NLRX1: variants seen among roughly 807,000 people sequenced by gnomAD.
The protein encoded by NLRX1 is NOD-like receptor X1.
A neutral mutation model predicts 74.2 loss-of-function variants in NLRX1; 67 were observed. The observed-to-expected ratio is 0.90, with a 90% confidence interval of 0.74 to 1.11. The LOEUF (loss-of-function observed/expected upper bound fraction) is 1.11, where lower values mean the gene tolerates loss of function less well. NLRX1 is among the 50% of genes least tolerant of loss of function. The pLI is 0.00. For synonymous variants in NLRX1, 506 were observed against 559.1 expected (o/e 0.91, Z 1.34); for missense variants, 1,191 against 1,305.4 (o/e 0.91, Z 1.35).
At position 119,182,271 on chromosome 11, in the gene NLRX1, C is replaced by A. The variant is rs549847025; in HGVS notation, c.2532C>A (p.Tyr844Ter). Residue 844 changes from tyrosine to a stop codon, truncating the protein, a stop_gained, in exon 9 of 10, where the codon TAC becomes TAA. Transcript: ENST00000409109. LOFTEE classifies it high-confidence loss of function. ...AGCTGCAGGAGCTGAACGTGGCGTA[C>A]AACGGTGCTGGTGACACAGCGGCCC... Reference protein sequence around the residue: ...NRQLQELNVAYNGAGDTAALA... With the variant: ...NRQLQELNVA 9.3e-6 allele frequency: 15 copies of A among 1,613,750 alleles called. No homozygotes were observed. In the East Asian group the frequency reaches 3.3e-4, roughly 36 times the overall value.
At chr11:119,171,142 GA>G (rs954198066) in intron 1 of NLRX1, among the ~76,000 whole-genome samples, 5 of 151,616 alleles carry the variant, frequency 3.3e-5, no homozygotes, top group African/African-American at 9.7e-5. Context: ...AAAGAAAAAA[GA>G]AAAAAAAGGT....
intron 6 of NLRX1, among the ~76,000 whole-genome samples, chr11:119,177,077 GT>G (rs1205757788): frequency 6.6e-6 from 1 of 151,836 alleles, no homozygotes; most frequent in African/African-American, 2.4e-5. Flanking sequence ...CTATTTAATT[GT>G]TTTTTGTTTG....
At chr11:119,178,221 G>A (rs1358665060) in intron 6 of NLRX1, among the ~76,000 whole-genome samples, 1 of 152,126 alleles carries the variant, frequency 6.6e-6, no homozygotes, top group Non-Finnish European at 1.5e-5. Context: ...GATGTTAAAG[G>A]ACGTGCCACA....
At position 119,180,254 on chromosome 11, in the gene NLRX1, C is replaced by G. The variant is rs1168470645; in HGVS notation, c.2233C>G (p.Leu745Val). 6.3e-7 allele frequency: 1 copy of G among 1,593,950 alleles called. No homozygotes were observed. The highest frequency in any genetic ancestry group is 8.6e-7 in the Non-Finnish European group (1 of 1,165,330). The change falls in exon 7 of 10, where the codon CTC becomes GTC. Residue 745 changes from leucine to valine, a missense_variant. Coordinates refer to ENST00000409109, the MANE Select transcript of NLRX1 (RefSeq NM_001282144.2). Reference protein sequence around the residue: ...CQLDPAGLRTLLPVFLRARKL... With the variant: ...CQLDPAGLRTVLPVFLRARKL... Reference sequence around the variant, plus strand: ...GCTAGATCCTGCTGGGCTGCGCACACTCCTGCCTGTCTTCCTGCGTGCCCG... The same window carrying G: ...GCTAGATCCTGCTGGGCTGCGCACAGTCCTGCCTGTCTTCCTGCGTGCCCG...
chr11:119,173,002 G>A lies in NLRX1; in HGVS notation c.229+13G>A, dbSNP rs749544036. On this transcript the variant is annotated intron_variant, in intron 4 of 9. Transcript: ENST00000409109. The surrounding 1 kb of genome is among the most constrained non-coding windows in gnomAD (Gnocchi z 4.0). The stretch of plus-strand genomic sequence containing the variant: ...GCCTCTGCAACTGGTAAAGGGACTG[G>A]CTGGGACCCTGGTCAGGGGGTGTGG... 10 of 1,605,726 alleles carry A rather than the reference G, an allele frequency of 6.2e-6. No homozygotes were observed. The highest frequency in any genetic ancestry group is 7.7e-6 in the Non-Finnish European group (9 of 1,175,594).
chr11:119,178,141 C>G (rs935464413), intron 6 of NLRX1, among the ~76,000 whole-genome samples: 1 of 152,128 alleles, frequency 6.6e-6, no homozygotes, highest in Non-Finnish European at 1.5e-5. Flanking sequence ...GCACTCCAGC[C>G]TAGGTGACAC....
rs199476037 is a variant in NLRX1 at position 119,173,359 on chromosome 11, T to C, written c.230-120T>C. On this transcript the variant is annotated intron_variant, in intron 4 of 9. Transcript: ENST00000409109. The surrounding 1 kb of genome is among the most constrained non-coding windows in gnomAD (Gnocchi z 4.0). The stretch of plus-strand genomic sequence containing the variant: ...CTCAGGGAGTCTTGTGTGCCCACCA[T>C]TGTGGGCCCCAGCATCTATGCCGTG... 2.6e-4 allele frequency: 279 copies of C among 1,086,748 alleles called. 1 individual carries two copies. The African/African-American group carries it at 3.6e-3, about 14-fold the overall frequency. The allele number at this position is 1,086,748 out of a possible 1,614,324, so 67.3% of individuals were successfully genotyped here.
chr11:119,174,303 C>G (rs1948635407), intron 5 of NLRX1, 150 bp from the exon 6 acceptor site: 2 of 1,010,740 alleles, frequency 2.0e-6, no homozygotes, highest in Non-Finnish European at 2.9e-6. Context: ...CGGCCTGGAT[C>G]ACAGCAGGTG....
intron 6 of NLRX1, among the ~76,000 whole-genome samples, chr11:119,175,676 G>A (rs1948686847): frequency 6.6e-6 from 1 of 152,222 alleles, no homozygotes; most frequent in Non-Finnish European, 1.5e-5. Context: ...GGCTCTGAGA[G>A]TGATGACTCA....
intron 8 of NLRX1, 137 bp downstream of exon 8, chr11:119,181,394 C>T: frequency 1.5e-6 from 1 of 661,272 alleles, no homozygotes; most frequent in South Asian, 1.7e-5. Flanking sequence ...CTGTCCCCTC[C>T]ACTTCCCCCA....
At chr11:119,170,770 A>G (rs1027519038) in intron 1 of NLRX1, among the ~76,000 whole-genome samples, 2 of 152,176 alleles carry the variant, frequency 1.3e-5, no homozygotes, top group Non-Finnish European at 2.9e-5. Flanking sequence ...GCCAAGAAGG[A>G]AAAAGGACAC....
intron 6 of NLRX1, among the ~76,000 whole-genome samples, chr11:119,177,422 G>T (rs1166708719): frequency 6.6e-6 from 1 of 151,492 alleles, no homozygotes; most frequent in African/African-American, 2.4e-5. Flanking sequence ...AACAGACTTA[G>T]TTCCAGACCA....
chr11:119,175,576 C>CT (rs887117321), intron 6 of NLRX1, among the ~76,000 whole-genome samples: 1 of 152,138 alleles, frequency 6.6e-6, no homozygotes, highest in Non-Finnish European at 1.5e-5. Context: ...AAATGGTTTC[C>CT]TTTTTGTGTC....
chr11:119,175,559 T>C (rs1174843607), intron 6 of NLRX1, among the ~76,000 whole-genome samples: 2 of 152,154 alleles, frequency 1.3e-5, no homozygotes, highest in Non-Finnish European at 2.9e-5. Flanking sequence ...GCTACATGGA[T>C]TCCTAAAAAT....
rs1038001304 is a variant in NLRX1, at chr11:119,173,219, C to G, written c.229+230C>G. On this transcript the variant is annotated intron_variant, in intron 4 of 9. Coordinates refer to ENST00000409109, the MANE Select transcript of NLRX1 (RefSeq NM_001282144.2). The surrounding 1 kb of genome is among the most constrained non-coding windows in gnomAD (Gnocchi z 4.0). ...AGAGCCATACCATCCCTATGCTCAA[C>G]AAAGTTGGGTCAAGCAGGTTAAGAC... The G allele has an allele frequency of 1.6e-6, 1 of 615,732 alleles. No homozygotes were observed. Among genetic ancestry groups the G allele is most frequent in the Non-Finnish European group, 2.9e-6 (1 of 350,564 alleles). 38.1% of individuals were successfully genotyped at this position (615,732 alleles called of 1,614,324 possible). A position where few individuals can be genotyped will look rare whatever the true frequency, so the allele number is the denominator to read the frequency against.
rs547693518 is a variant in NLRX1, at chr11:119,177,394, T to C, written c.1671+2120T>C. 4.0e-5 allele frequency among the ~76,000 whole-genome samples: 6 copies of C among 151,844 alleles called. No individual in the cohort carries two copies. In the South Asian group the frequency reaches 1.0e-3, roughly 26 times the overall value. ...ACCACGCCCGGCCTATGCTGTTTAA[T>C]TGTTTGTCACACATAGAAACAGACT... On this transcript the variant is annotated intron_variant, in intron 6 of 9. Coordinates refer to ENST00000409109, the MANE Select transcript of NLRX1 (RefSeq NM_001282144.2).
chr11:119,170,607 G>A (rs1205244639), intron 1 of NLRX1, among the ~76,000 whole-genome samples: 1 of 152,152 alleles, frequency 6.6e-6, no homozygotes, highest in Non-Finnish European at 1.5e-5. Flanking sequence ...AAGTCACAGA[G>A]AACATAAAAT....
At position 119,172,883 on chromosome 11, in the gene NLRX1, C is replaced by T. The variant is rs1270394809; in HGVS notation, c.141-18C>T. On this transcript the variant is annotated intron_variant, in intron 3 of 9. Transcript: ENST00000409109. ...TCCAAGTTACAAGTCCCAGCTCATC[C>T]CCTCTCCTTGTTCCCAGGGCCTTTA... 8 of 1,598,544 alleles carry T rather than the reference C, an allele frequency of 5.0e-6. No homozygotes were observed. The highest frequency in any genetic ancestry group is 6.0e-6 in the Non-Finnish European group (7 of 1,166,026).
chr11:119,172,077 G>A (rs941535521), intron 2 of NLRX1, among the ~76,000 whole-genome samples: 2 of 152,120 alleles, frequency 1.3e-5, no homozygotes, highest in African/African-American at 4.8e-5. Flanking sequence ...CTGCCGTACC[G>A]CAGACCTGGT....
Sources: gnomAD v4.1 joint callset for allele counts (sites outside exome capture counted in the v4.1 genomes callset) on GRCh38, gnomAD v4.1.1 for gene constraint, Gnocchi (gnomAD v3.1) non-coding constraint, MANE v1.5 for transcripts, NCBI Gene and HGNC (gene_info 2026-07-23, HGNC 2026-07-21) for gene names.